Variants in KIRREL2 observed in about 807,000 individuals in gnomAD.
KIRREL2 encodes kin of IRRE-like protein 2.
A neutral mutation model predicts 73.4 loss-of-function variants in KIRREL2; 56 were observed. The observed-to-expected ratio is 0.76, with a 90% CI of 0.62 to 0.95. KIRREL2 has a LOEUF of 0.95. Ranked by LOEUF, KIRREL2 falls within the 40% of genes least tolerant of loss-of-function variation. KIRREL2 has a pLI of 0.00. For missense variants in KIRREL2, 896 were observed against 935.0 expected (o/e 0.96, Z 0.54); for synonymous variants, 407 against 404.0 (o/e 1.01, Z -0.09).
upstream of KIRREL2, chr19:35,855,907 G>T (rs1324828805): frequency 6.6e-6 from 1 of 152,110 alleles, no homozygotes; most frequent in African/African-American, 2.4e-5. Context: ...GGAACCGGGA[G>T]ATCAGGCCAT....
At chr19:35,859,066 T>G (rs1973554041) in intron 4 of KIRREL2, among the ~76,000 whole-genome samples, 1 of 152,228 alleles carries the variant, frequency 6.6e-6, no homozygotes, top group South Asian at 2.1e-4. Context: ...GCTAGTTGAT[T>G]GATCTTGAGT....
upstream of KIRREL2, among the ~76,000 whole-genome samples, chr19:35,856,249 C>T (rs1425629586): frequency 6.6e-6 from 1 of 152,134 alleles, no homozygotes; most frequent in Non-Finnish European, 1.5e-5. The surrounding 1 kb of genome is among the most constrained non-coding windows in gnomAD (Gnocchi z 5.9). Context: ...GCACCGCCGC[C>T]TCCCAGCCGT....
upstream of KIRREL2, chr19:35,851,513 G>C: frequency 6.2e-7 from 1 of 1,613,722 alleles, no homozygotes; most frequent in Non-Finnish European, 8.5e-7. Flanking sequence ...CCTGGGGTCG[G>C]GGCCCAGGAG....
chr19:35,855,426 T>C (rs1311498525), upstream of KIRREL2, among the ~76,000 whole-genome samples: 1 of 151,790 alleles, frequency 6.6e-6, no homozygotes, highest in Non-Finnish European at 1.5e-5. Context: ...GTCAAGTGCC[T>C]GGAAAAACAG....
upstream of KIRREL2, chr19:35,851,707 G>A (rs763349074): frequency 1.3e-6 from 2 of 1,589,532 alleles, no homozygotes; most frequent in Non-Finnish European, 1.7e-6. Context: ...AAAGGGCAGA[G>A]GGTTTGTCTA....
Position 35,858,860 on chromosome 19 carries a change from A to C in KIRREL2, c.518A>C (p.His173Pro), listed in dbSNP as rs773105407. 1.9e-6 allele frequency: 3 copies of C among 1,614,158 alleles called. No individual in the cohort carries two copies. Among genetic ancestry groups the C allele is most frequent in the Non-Finnish European group, 2.5e-6 (3 of 1,180,022 alleles). ...DGVLLDGATF[H>P]QTLLKEGTPG... ...GTCCTGTTGGATGGAGCCACCTTCC[A>C]TCAGGTCAGGTCCAAATTCCTGTGC... The change falls in exon 4 of 15, where the codon CAT becomes CCT. Residue 173 changes from histidine (H) to proline (P), a missense_variant. His to Pro is a moderately conservative substitution (Grantham distance 77). Transcript: ENST00000360202.
In KIRREL2 at chr19:35,866,367, C is replaced by CG. The variant is rs1437145653; in HGVS notation, c.2003dup (p.Ala669SerfsTer32). The CG allele has an allele frequency of 1.9e-6, 3 of 1,613,298 alleles. No individual in the cohort carries two copies. The highest frequency in any genetic ancestry group is 2.5e-6 in the Non-Finnish European group (3 of 1,179,486). ...AGGCTATCTCACCACACCCCACCCTCGAGCTTTCACCAGCTACATCAAACC... is the reference window on the plus strand; with the variant it reads ...AGGCTATCTCACCACACCCCACCCTCGGAGCTTTCACCAGCTACATCAAACC... On this transcript the variant is annotated frameshift_variant, in exon 15 of 15. Transcript: ENST00000360202. LOFTEE classifies it high-confidence loss of function.
intron 10 of KIRREL2, 30 bp from the exon 11 acceptor site, chr19:35,861,775 C>A (rs763780505): frequency 3.1e-6 from 5 of 1,588,066 alleles, no homozygotes; most frequent in Non-Finnish European, 4.3e-6. Flanking sequence ...CCTCAGTCTC[C>A]TCCGTGTCCT....
At chr19:35,862,435 GC>G in intron 11 of KIRREL2, 57 bp from the exon 12 acceptor site, 1 of 1,278,386 alleles carries the variant, frequency 7.8e-7, no homozygotes, top group African/African-American at 1.5e-5. Context: ...CAATCCCTGA[GC>G]CCCCGCTTCC....
upstream of KIRREL2, among the ~76,000 whole-genome samples, chr19:35,852,463 CAG>C (rs766879626): frequency 6.6e-6 from 1 of 152,198 alleles, no homozygotes; most frequent in African/African-American, 2.4e-5. Context: ...CAGGCACTGG[CAG>C]AGTCAGCCCT....
rs762476394 is a variant in KIRREL2 at position 35,860,529 on chromosome 19, G to C, written c.790G>C (p.Gly264Arg). 1 of 1,602,940 alleles carries C rather than the reference G, an allele frequency of 6.2e-7. No homozygotes were observed. Among genetic ancestry groups the C allele is most frequent in the African/African-American group, 1.3e-5 (1 of 74,944 alleles). Residue 264 changes from glycine (G) to arginine (R), a missense_variant, in exon 7 of 15, where the codon GGG becomes CGG. Gly to Arg is a moderately radical substitution (Grantham distance 125, BLOSUM62 -2). Transcript: ENST00000360202. ...CCACCATTTCCTCAGGTGGGCAAAA[G>C]GGGGCTCTCCGGTGCTCGGGGCCCG... The part of the protein sequence containing the change: ...PPVTGYRWAK[G>R]GSPVLGARGP...
intron 13 of KIRREL2, among the ~76,000 whole-genome samples, chr19:35,863,282 G>A (rs1378653254): frequency 6.6e-6 from 1 of 152,016 alleles, no homozygotes; most frequent in Non-Finnish European, 1.5e-5. Context: ...AAATGAACCG[G>A]GTATGGTGGC....
chr19:35,865,173 CTTTTTTTTT>C, intron 14 of KIRREL2, among the ~76,000 whole-genome samples: 1 of 105,180 alleles, frequency 9.5e-6, no homozygotes, highest in African/African-American at 3.9e-5. Flanking sequence ...TCTCTCTCTT[CTTTTTTTTT>C]TTTTTTTTTT....
At chr19:35,858,385 G>T in intron 2 of KIRREL2, 23 bp from the exon 3 acceptor site, 1 of 1,606,638 alleles carries the variant, frequency 6.2e-7, no homozygotes, top group South Asian at 1.1e-5. Flanking sequence ...ATGGTGTGCT[G>T]ACTGCCTTCT....
chr19:35,854,139 C>T (rs1440783595), upstream of KIRREL2, among the ~76,000 whole-genome samples: 1 of 151,782 alleles, frequency 6.6e-6, no homozygotes, highest in Non-Finnish European at 1.5e-5. Flanking sequence ...GCCGCTGCAC[C>T]CCGCCACTTG....
Position 35,857,001 on chromosome 19 carries a change from T to C in KIRREL2, c.-119T>C, listed in dbSNP as rs924738123. 1 of 1,024,210 alleles carries C rather than the reference T, an allele frequency of 9.8e-7. No individual in the cohort carries two copies. Among genetic ancestry groups the C allele is most frequent in the African/African-American group, 1.6e-5 (1 of 63,508 alleles). 63.4% of individuals were successfully genotyped at this position (1,024,210 alleles called of 1,614,324 possible). On this transcript the variant is annotated 5_prime_UTR_variant, in exon 1 of 15. Coordinates refer to ENST00000360202, the MANE Select transcript of KIRREL2 (RefSeq NM_199180.4). Reference sequence around the variant, plus strand: ...GAGGACTCCAGGCCAGAGACTAGGCTGGGCGAAGAGTCGAGCGTGAAGGGG... The same window carrying C: ...GAGGACTCCAGGCCAGAGACTAGGCCGGGCGAAGAGTCGAGCGTGAAGGGG...
rs113984862 is a variant in KIRREL2 at position 35,864,176 on chromosome 19, TTTGTTG to T, written c.1726-448_1726-443del. 1.3e-3 allele frequency among the ~76,000 whole-genome samples: 196 copies of T among 148,690 alleles called. 2 individuals carry two copies. In the Middle Eastern group the frequency reaches 0.014, roughly 10 times the overall value. ...GCCCAGTATGTCCCCACAGCCCGTT[TTTGTTG>T]TTGTTGTTGTTGTTGTTGTTGTTTT... On this transcript the variant is annotated intron_variant, in intron 13 of 14. Coordinates refer to ENST00000360202, the MANE Select transcript of KIRREL2 (RefSeq NM_199180.4).
upstream of KIRREL2, among the ~76,000 whole-genome samples, chr19:35,853,164 G>A (rs73590853): frequency 7.7e-3 from 1,169 of 152,304 alleles, 16 homozygotes; most frequent in African/African-American, 0.027. Context: ...GGATGCAAGA[G>A]TGAGTGTGAC....
At chr19:35,863,095 C>T (rs1456795262) in intron 13 of KIRREL2, 59 bp downstream of exon 13, 2 of 946,634 alleles carry the variant, frequency 2.1e-6, no homozygotes, top group Admixed American at 4.4e-5. Context: ...ATAGCCCAGT[C>T]CCAAGAGGGT....
Sources: gnomAD v4.1 joint callset for allele counts (sites outside exome capture counted in the v4.1 genomes callset) on GRCh38, gnomAD v4.1.1 for gene constraint, Gnocchi (gnomAD v3.1) non-coding constraint, MANE v1.5 for transcripts, NCBI Gene and HGNC (gene_info 2026-07-23, HGNC 2026-07-21) for gene names.